Variants in DNAH9 observed in about 807,000 individuals in gnomAD.
DNAH9 encodes the protein dynein axonemal heavy chain 9.
Under a neutral mutation model 471.6 loss-of-function variants are expected in DNAH9, and 345 were observed. That is an observed-to-expected ratio of 0.73 (90% confidence interval 0.67 to 0.80). The LOEUF (loss-of-function observed/expected upper bound fraction) is 0.80. Ranked by LOEUF, DNAH9 falls within the 30% of genes least tolerant of loss-of-function variation. The probability of loss-of-function intolerance (pLI) is 0.00; values close to 1 mark genes in which losing one functional copy is unlikely to be tolerated. For missense variants in DNAH9, 5,407 were observed against 5,609.2 expected, an observed-to-expected ratio of 0.96 and a Z score of 1.15; for synonymous variants, 2,093 against 2,123.6, an observed-to-expected ratio of 0.99 and a Z score of 0.40.
rs2073092896 is a variant in DNAH9 at position 11,632,718 on chromosome 17, G to A, written c.1635+15G>A. 3 of 1,340,376 alleles carry A rather than the reference G, an allele frequency of 2.2e-6. No homozygotes were observed. The highest frequency in any genetic ancestry group is 1.7e-5 in the Admixed American group (1 of 59,622). 83.0% of individuals were successfully genotyped at this position (1,340,376 alleles called of 1,614,324 possible). A position where few individuals can be genotyped will look rare whatever the true frequency, so the allele number is the denominator to read the frequency against. ...ATGCCTTTAAGGTTTGTGTAAATGG[G>A]GCAGGAGCCACTCGGTCCTGGATAC... is the stretch of plus-strand genomic sequence containing the variant. On this transcript the variant is annotated intron_variant, in intron 8 of 68. Coordinates refer to ENST00000262442, the MANE Select transcript of DNAH9 (RefSeq NM_001372.4).
At chr17:11,614,365 A>T (rs1013392758) in intron 4 of DNAH9, among the ~76,000 whole-genome samples, 12 of 152,194 alleles carry the variant, frequency 7.9e-5, no homozygotes, top group Non-Finnish European at 1.8e-4. Flanking sequence ...AGAAGAAAAA[A>T]GGAGGTTAAA....
intron 50 of DNAH9, among the ~76,000 whole-genome samples, chr17:11,867,897 G>C (rs545320282): frequency 3.2e-4 from 48 of 152,266 alleles, no homozygotes; most frequent in African/African-American, 1.1e-3. Flanking sequence ...AGAATCAATA[G>C]GCTTCCAATT....
At chr17:11,966,195 A>C (rs1976704412) in intron 68 of DNAH9, among the ~76,000 whole-genome samples, 2 of 152,266 alleles carry the variant, frequency 1.3e-5, no homozygotes, top group African/African-American at 4.8e-5. Context: ...AAGATAAAGA[A>C]GAAAATCTTG....
At chr17:11,875,215 T>A in intron 53 of DNAH9, 31 bp downstream of exon 53, 1 of 1,579,036 alleles carries the variant, frequency 6.3e-7, no homozygotes. Flanking sequence ...GTTCCCACTT[T>A]AGCCATTTGT....
At chr17:11,675,304 AAATT>A (rs2074032266) in intron 17 of DNAH9, among the ~76,000 whole-genome samples, 2 of 152,182 alleles carry the variant, frequency 1.3e-5, no homozygotes, top group Admixed American at 1.3e-4. Context: ...CAATCCTGCT[AAATT>A]AATTTAATAA....
At chr17:11,960,971 G>A (rs1411621643) in intron 67 of DNAH9, among the ~76,000 whole-genome samples, 2 of 152,082 alleles carry the variant, frequency 1.3e-5, no homozygotes, top group Non-Finnish European at 2.9e-5. Context: ...GGGTCTTCAA[G>A]AAATTGCCAC....
intron 43 of DNAH9, among the ~76,000 whole-genome samples, chr17:11,800,407 C>T (rs1321521939): frequency 6.6e-6 from 1 of 151,942 alleles, no homozygotes; most frequent in Non-Finnish European, 1.5e-5. Flanking sequence ...TCTCTCTCCC[C>T]TCTTTTATCT....
chr17:11,938,938 C>T (rs113033641), intron 66 of DNAH9, among the ~76,000 whole-genome samples: 4 of 152,260 alleles, frequency 2.6e-5, no homozygotes, highest in African/African-American at 7.2e-5. Context: ...ATTAGGTTTA[C>T]AAGTAAACAT....
chr17:11,953,865 CAAG>C (rs1975510511), intron 67 of DNAH9: 1 of 151,266 alleles, frequency 6.6e-6, no homozygotes, highest in Non-Finnish European at 1.5e-5. Flanking sequence ...ACCATATATT[CAAG>C]AAGCTAGAAG....
Position 11,823,005 on chromosome 17 carries a change from C to T in DNAH9, c.9217C>T (p.Leu3073=), listed in dbSNP as rs1210182382. 6.2e-7 allele frequency: 1 copy of T among 1,613,974 alleles called. No homozygotes were observed. Among genetic ancestry groups the T allele is most frequent in the Non-Finnish European group, 8.5e-7 (1 of 1,179,930 alleles). ...KCKTERLENG[L]LKLHSTSAQV... ...CAAGACAGAGCGGTTGGAGAACGGGCTGCTGAAGCTGCATAGCACCTCTGC... is the reference window on the plus strand; with the variant it reads ...CAAGACAGAGCGGTTGGAGAACGGGTTGCTGAAGCTGCATAGCACCTCTGC... The change falls in exon 48 of 69, where the codon CTG becomes TTG. Residue 3073 remains leucine, a synonymous_variant. Coordinates refer to ENST00000262442, the MANE Select transcript of DNAH9 (RefSeq NM_001372.4).
At chr17:11,755,021 C>T (rs556374908) in intron 33 of DNAH9, among the ~76,000 whole-genome samples, 24 of 152,206 alleles carry the variant, frequency 1.6e-4, no homozygotes, top group Middle Eastern at 3.4e-3. Flanking sequence ...TAAAGAAGGG[C>T]GCCAGTTTCA....
At chr17:11,774,698 C>G (rs1221752381) in intron 38 of DNAH9, among the ~76,000 whole-genome samples, 1 of 152,118 alleles carries the variant, frequency 6.6e-6, no homozygotes, top group Non-Finnish European at 1.5e-5. Flanking sequence ...ACAGCCAACC[C>G]ATATCATTAC....
chr17:11,639,803 AC>A (rs537314387), intron 9 of DNAH9, among the ~76,000 whole-genome samples: 86 of 152,244 alleles, frequency 5.6e-4, no homozygotes, highest in African/African-American at 2.0e-3. Context: ...TGAGTTTGAG[AC>A]CAGCCTGATC....
chr17:11,694,404 C>A lies in DNAH9; in HGVS notation c.4829C>A (p.Ser1610Tyr), dbSNP rs758330965. 1 of 1,613,474 alleles carries A rather than the reference C, an allele frequency of 6.2e-7. No homozygotes were observed. The highest frequency in any genetic ancestry group is 8.5e-7 in the Non-Finnish European group (1 of 1,179,892). Residue 1610 changes from serine (S) to tyrosine (Y), a missense_variant, in exon 22 of 69, where the codon TCC becomes TAC. Ser to Tyr is a moderately radical substitution (Grantham distance 144, BLOSUM62 -2). Transcript: ENST00000262442. ...AFPRFYFLSS[S>Y]DLLDILSNGT... The stretch of plus-strand genomic sequence containing the variant: ...CCGCGGTTTTACTTTCTCTCCTCCT[C>A]CGATCTGTTAGACATCCTTTCCAAC...
intron 1 of DNAH9, among the ~76,000 whole-genome samples, chr17:11,605,154 A>T (rs532888841): frequency 6.6e-6 from 1 of 152,042 alleles, no homozygotes; most frequent in East Asian, 1.9e-4. Context: ...TCCCTGCAAT[A>T]TACTTCTCCC....
intron 50 of DNAH9, 122 bp from the exon 51 acceptor site, chr17:11,869,012 C>T: frequency 1.7e-6 from 2 of 1,181,988 alleles, no homozygotes; most frequent in Non-Finnish European, 2.4e-6. Flanking sequence ...TCCCTGGTCC[C>T]ATAGGAATGC....
Position 11,598,886 on chromosome 17 carries a change from C to G in DNAH9, c.388C>G (p.Leu130Val), listed in dbSNP as rs764634772. The change falls in exon 1 of 69, where the codon CTG becomes GTG. Residue 130 changes from leucine (L) to valine (V), a missense_variant. Physicochemically the swap from Leu to Val is conservative, Grantham distance 32 (BLOSUM62 1). Coordinates refer to ENST00000262442, the MANE Select transcript of DNAH9 (RefSeq NM_001372.4). ...CTGCGGGGACCTGCCCGCGGCACCT[C>G]TGGAGCACCTAGCCGCGCTGTTCTC... ...VVCGDLPAAP[L>V]EHLAALFSEV... is the part of the protein sequence containing the mutation. 6.5e-7 allele frequency: 1 copy of G among 1,539,926 alleles called. No individual in the cohort carries two copies. The highest frequency in any genetic ancestry group is 8.7e-7 in the Non-Finnish European group (1 of 1,150,122).
At chr17:11,772,827 G>A (rs916825375) in intron 38 of DNAH9, among the ~76,000 whole-genome samples, 11 of 152,186 alleles carry the variant, frequency 7.2e-5, no homozygotes, top group African/African-American at 2.2e-4. Context: ...GGAGTCAGCC[G>A]AAGCCCAGAG....
At chr17:11,731,223 G>T (rs569734729) in intron 28 of DNAH9, among the ~76,000 whole-genome samples, 17 of 152,098 alleles carry the variant, frequency 1.1e-4, no homozygotes, top group South Asian at 8.3e-4. Flanking sequence ...TGGGGATGGT[G>T]GTGGCAATGA....
Sources: gnomAD v4.1 joint callset for allele counts (sites outside exome capture counted in the v4.1 genomes callset) on GRCh38, gnomAD v4.1.1 for gene constraint, MANE v1.5 for transcripts, NCBI Gene and HGNC (gene_info 2026-07-23, HGNC 2026-07-21) for gene names.